Variants in GATAD2B observed in about 807,000 individuals in gnomAD.
GATAD2B encodes the protein GATA zinc finger domain containing 2B.
In GATAD2B, 8 loss-of-function variants were observed where a neutral mutation model predicts 64.3. The ratio of observed to expected loss-of-function variants is 0.12; its 90% CI spans 0.07 to 0.22. The LOEUF (loss-of-function observed/expected upper bound fraction) is 0.22, where lower values mean the gene tolerates loss of function less well. Ranked by LOEUF, GATAD2B falls within the 10% of genes least tolerant of loss-of-function variation. The pLI, the probability that GATAD2B is intolerant of heterozygous loss-of-function variation, is 1.00. For missense variants in GATAD2B, 453 were observed against 752.0 expected (o/e 0.60, Z 4.65); for synonymous variants, 281 against 271.3 (o/e 1.04, Z -0.35).
chr1:153,910,034 G>A (rs920052446), intron 1 of GATAD2B, among the ~76,000 whole-genome samples: 19 of 151,786 alleles, frequency 1.3e-4, no homozygotes, highest in African/African-American at 4.4e-4. Flanking sequence ...CGAATTGCTT[G>A]AACCTAAGAG....
intron 1 of GATAD2B, among the ~76,000 whole-genome samples, chr1:153,847,901 T>C (rs1012595742): frequency 3.9e-5 from 6 of 152,208 alleles, no homozygotes; most frequent in African/African-American, 1.4e-4. Flanking sequence ...ACGAGTTAAT[T>C]TGACTGATCT....
chr1:153,833,850 A>G (rs1038087045), intron 1 of GATAD2B, among the ~76,000 whole-genome samples: 135 of 151,232 alleles, frequency 8.9e-4, no homozygotes, highest in Non-Finnish European at 1.8e-3. Context: ...AAATATTAAT[A>G]TATTTCAGGC....
rs1678500911 is a variant in GATAD2B, at chr1:153,922,802, G to A, written c.-71C>T. The A allele has an allele frequency of 6.6e-6, 1 of 150,916 alleles. No individual in the cohort carries two copies. Among genetic ancestry groups the A allele is most frequent in the South Asian group, 2.0e-4 (1 of 5,128 alleles). 9.3% of individuals were successfully genotyped at this position (150,916 alleles called of 1,614,324 possible). A position where few individuals can be genotyped will look rare whatever the true frequency, so the allele number is the denominator to read the frequency against. Reference sequence around the variant, plus strand: ...GGCGGCGGAGGCGTCGAAAAAGGAAGAGGCGACGGCACAGGGGATCCAGAC... The same window carrying A: ...GGCGGCGGAGGCGTCGAAAAAGGAAAAGGCGACGGCACAGGGGATCCAGAC... On this transcript the variant is annotated 5_prime_UTR_variant, in exon 1 of 11. Transcript: ENST00000368655.
At chr1:153,876,813 G>C (rs1676850831) in intron 1 of GATAD2B, among the ~76,000 whole-genome samples, 1 of 152,150 alleles carries the variant, frequency 6.6e-6, no homozygotes, top group Admixed American at 6.6e-5. Context: ...GACCAGCCTG[G>C]CCAACATGGT....
chr1:153,859,420 G>A (rs777928437), intron 1 of GATAD2B, among the ~76,000 whole-genome samples: 7 of 150,214 alleles, frequency 4.7e-5, no homozygotes, highest in Non-Finnish European at 1.0e-4. Context: ...CTATAACCCC[G>A]GCACTTTGGG....
At chr1:153,908,921 C>G (rs1678033215) in intron 1 of GATAD2B, among the ~76,000 whole-genome samples, 1 of 152,084 alleles carries the variant, frequency 6.6e-6, no homozygotes. Context: ...CTCAGCCTCC[C>G]AAAGTGCTCT....
chr1:153,839,124 AAAAAAAAAAAG>A (rs1340504142), intron 1 of GATAD2B, among the ~76,000 whole-genome samples: 1 of 150,976 alleles, frequency 6.6e-6, no homozygotes, highest in Admixed American at 6.6e-5. Flanking sequence ...AAAAAAAAAA[AAAAAAAAAAAG>A]AAAGTTTAAG....
chr1:153,895,010 TAGTC>T (rs958197657), intron 1 of GATAD2B, among the ~76,000 whole-genome samples: 4 of 151,888 alleles, frequency 2.6e-5, no homozygotes, highest in Non-Finnish European at 5.9e-5. Context: ...AATACAAAAT[TAGTC>T]AGGTGTGGTG....
intron 1 of GATAD2B, chr1:153,852,527 G>A (rs760545897): frequency 3.3e-5 from 25 of 765,932 alleles, no homozygotes; most frequent in South Asian, 4.0e-5. Flanking sequence ...CAGTATCATC[G>A]TATCCAATAT....
In GATAD2B at chr1:153,922,806, C is replaced by A. The variant is rs1678501221; in HGVS notation, c.-75G>T. The A allele has an allele frequency of 6.8e-6, 1 of 147,200 alleles. No individual in the cohort carries two copies. Among genetic ancestry groups the A allele is most frequent in the Non-Finnish European group, 1.5e-5 (1 of 67,700 alleles). 9.1% of individuals were successfully genotyped at this position (147,200 alleles called of 1,614,324 possible). On this transcript the variant is annotated 5_prime_UTR_variant, in exon 1 of 11. Transcript: ENST00000368655. ...GCGGAGGCGTCGAAAAAGGAAGAGG[C>A]GACGGCACAGGGGATCCAGACCCTG...
chr1:153,810,260 T>G lies in GATAD2B; in HGVS notation c.1699A>C (p.Ser567Arg), dbSNP rs1334676383. The G allele has an allele frequency of 6.2e-7, 1 of 1,613,216 alleles. No individual in the cohort carries two copies. Among genetic ancestry groups the G allele is most frequent in the African/African-American group, 1.3e-5 (1 of 74,856 alleles). ...NTGIGGHKGPSLADRQREYLL... is the reference protein window; with the variant it reads ...NTGIGGHKGPRLADRQREYLL... The stretch of plus-strand genomic sequence containing the variant: ...TATTCACGCTGTCGGTCTGCCAAAC[T>G]GGGGCCTTTGTGTCCTCCGATGCCA... Residue 567 changes from serine to arginine, a missense_variant, in exon 11 of 11, where the codon AGT becomes CGT. Ser to Arg is a moderately radical substitution (Grantham distance 110). Around this residue, in one of 2 missense-constraint regions of GATAD2B, gnomAD observed 160 missense variants for 334.7 expected, o/e 0.48. Transcript: ENST00000368655.
Position 153,895,061 on chromosome 1 carries a change from G to C in GATAD2B, c.-2+27672C>G, listed in dbSNP as rs562668361. Among the ~76,000 whole-genome samples the C allele has an allele frequency of 2.6e-5, 4 of 152,062 alleles. No individual in the cohort carries two copies. The East Asian group carries it at 7.8e-4, about 30-fold the overall frequency. On this transcript the variant is annotated intron_variant, in intron 1 of 10. Transcript: ENST00000368655. ...TAATCCCAGCTACTTGGGAGGCTGA[G>C]GCAGGAGAATCCCTTGAACCTAGGA...
intron 1 of GATAD2B, among the ~76,000 whole-genome samples, chr1:153,860,660 TA>T (rs1256700966): frequency 8.6e-5 from 13 of 151,896 alleles, no homozygotes; most frequent in African/African-American, 1.7e-4. Context: ...CTTATCTACT[TA>T]AAAAAAATTA....
intron 1 of GATAD2B, among the ~76,000 whole-genome samples, chr1:153,904,443 A>T (rs951654574): frequency 9.9e-5 from 15 of 152,198 alleles, no homozygotes; most frequent in Non-Finnish European, 1.8e-4. Context: ...TTAATTTTTT[A>T]AAATGTGAAA....
intron 1 of GATAD2B, among the ~76,000 whole-genome samples, chr1:153,854,672 T>C (rs1676020945): frequency 6.6e-6 from 1 of 152,250 alleles, no homozygotes. Flanking sequence ...TGTTTTAGGT[T>C]ATATAGTCTA....
At chr1:153,864,033 G>A (rs549548533) in intron 1 of GATAD2B, among the ~76,000 whole-genome samples, 34 of 152,250 alleles carry the variant, frequency 2.2e-4, no homozygotes, top group South Asian at 4.2e-4. Flanking sequence ...TTATACCATG[G>A]AAGTAATAAT....
At chr1:153,857,302 T>C (rs1261317231) in intron 1 of GATAD2B, among the ~76,000 whole-genome samples, 3 of 151,856 alleles carry the variant, frequency 2.0e-5, no homozygotes, top group East Asian at 3.9e-4. Flanking sequence ...AAAATTTAGC[T>C]GGGTGTGGTG....
intron 1 of GATAD2B, among the ~76,000 whole-genome samples, chr1:153,873,010 TAAAG>T (rs142029178): frequency 0.44 from 66,104 of 151,538 alleles, 15,180 homozygotes; most frequent in Non-Finnish European, 0.52. Flanking sequence ...TGCATGACAA[TAAAG>T]AACACAATGC....
intron 1 of GATAD2B, among the ~76,000 whole-genome samples, chr1:153,859,562 CG>C (rs1488198169): frequency 6.6e-6 from 1 of 150,606 alleles, no homozygotes; most frequent in Non-Finnish European, 1.5e-5. Flanking sequence ...CCCAGCTGCT[CG>C]GGAGGCTGAG....
Sources: gnomAD v4.1 joint callset for allele counts (sites outside exome capture counted in the v4.1 genomes callset) on GRCh38, gnomAD v4.1.1 for gene constraint, gnomAD v4.1.1 regional missense constraint, MANE v1.5 for transcripts, NCBI Gene and HGNC (gene_info 2026-07-23, HGNC 2026-07-21) for gene names.